Variants in THSD7B observed in about 807,000 individuals in gnomAD.
THSD7B encodes the protein thrombospondin type-1 domain-containing protein 7B.
A neutral mutation model predicts 213.6 loss-of-function variants in THSD7B; 138 were observed. The ratio of observed to expected loss-of-function variants is 0.65; its 90% CI spans 0.56 to 0.74. The LOEUF (loss-of-function observed/expected upper bound fraction) is 0.74, where lower values mean the gene tolerates loss of function less well. THSD7B is among the 30% of genes least tolerant of loss of function. THSD7B has a pLI of 0.00. For synonymous variants in THSD7B, 742 were observed against 687.0 expected (o/e 1.08, Z -1.25); for missense variants, 1,931 against 1,991.5 (o/e 0.97, Z 0.58).
chr2:137,099,697 C>T (rs772167278), intron 4 of THSD7B, among the ~76,000 whole-genome samples: 1 of 152,060 alleles, frequency 6.6e-6, no homozygotes, highest in African/African-American at 2.4e-5. Context: ...AGTATGGAAT[C>T]GAATGTAAGA....
chr2:137,639,612 G>C (rs889332626), intron 20 of THSD7B, among the ~76,000 whole-genome samples: 1 of 152,056 alleles, frequency 6.6e-6, no homozygotes, highest in Non-Finnish European at 1.5e-5. Flanking sequence ...GACACTCAAC[G>C]CCAGCCCATG....
chr2:136,878,102 G>A (rs1459256460), intron 1 of THSD7B, among the ~76,000 whole-genome samples: 2 of 152,096 alleles, frequency 1.3e-5, no homozygotes, highest in African/African-American at 4.8e-5. Context: ...CCCAGTGTGT[G>A]ATGTTCTCCT....
chr2:137,309,217 C>T (rs539420296), intron 12 of THSD7B, among the ~76,000 whole-genome samples: 29 of 152,026 alleles, frequency 1.9e-4, no homozygotes, highest in Non-Finnish European at 4.1e-4. Context: ...CATTTTTGTA[C>T]TTGAATTTCT....
At chr2:137,072,500 T>G (rs1169720966) in intron 3 of THSD7B, among the ~76,000 whole-genome samples, 2 of 152,162 alleles carry the variant, frequency 1.3e-5, no homozygotes, top group African/African-American at 4.8e-5. Context: ...AAGGAGATTT[T>G]GGGCTGAGAT....
At chr2:136,766,155 G>A (rs1389539644) in intron 1 of THSD7B, among the ~76,000 whole-genome samples, 1 of 152,234 alleles carries the variant, frequency 6.6e-6, no homozygotes, top group Non-Finnish European at 1.5e-5. Context: ...TTGCAAACAG[G>A]TTGACTGAGG....
At chr2:137,313,025 G>A (rs1461984767) in intron 12 of THSD7B, among the ~76,000 whole-genome samples, 16 of 150,360 alleles carry the variant, frequency 1.1e-4, no homozygotes, top group Admixed American at 6.0e-4. Flanking sequence ...TATTAGGTCC[G>A]CTTGGTGCAG....
At chr2:137,591,483 T>G (rs1034751845) in intron 17 of THSD7B, among the ~76,000 whole-genome samples, 3 of 151,900 alleles carry the variant, frequency 2.0e-5, no homozygotes, top group Non-Finnish European at 4.4e-5. Flanking sequence ...TTTCAAAAGT[T>G]TTTCATATTA....
chr2:136,801,745 G>A (rs1198122033), intron 1 of THSD7B, among the ~76,000 whole-genome samples: 1 of 152,084 alleles, frequency 6.6e-6, no homozygotes, highest in Non-Finnish European at 1.5e-5. Flanking sequence ...GCAAGCCAGT[G>A]GAATTGTGTC....
At chr2:137,282,447 G>A (rs1365395132) in intron 12 of THSD7B, among the ~76,000 whole-genome samples, 1 of 152,176 alleles carries the variant, frequency 6.6e-6, no homozygotes, top group East Asian at 1.9e-4. Context: ...TGTTGCCATT[G>A]CTTTTGGTGT....
At chr2:137,337,291 G>A (rs79323189) in intron 12 of THSD7B, among the ~76,000 whole-genome samples, 3,258 of 152,020 alleles carry the variant, frequency 0.021, 137 homozygotes, top group African/African-American at 0.075. Context: ...TCCCCAGTCT[G>A]GGACAGTTCT....
intron 7 of THSD7B, among the ~76,000 whole-genome samples, chr2:137,196,167 G>A (rs10207437): frequency 0.83 from 126,675 of 152,118 alleles, 53,714 homozygotes; most frequent in Middle Eastern, 0.94. Flanking sequence ...ATCAAAGAGA[G>A]ACTTCTAACC....
intron 24 of THSD7B, among the ~76,000 whole-genome samples, chr2:137,658,555 G>T (rs1222046013): frequency 3.3e-5 from 5 of 152,140 alleles, no homozygotes; most frequent in Admixed American, 6.5e-5. Context: ...CTGCTGTGGA[G>T]ATCCCTGGTT....
chr2:136,777,228 G>A (rs1325391471), intron 1 of THSD7B, among the ~76,000 whole-genome samples: 1 of 152,098 alleles, frequency 6.6e-6, no homozygotes, highest in African/African-American at 2.4e-5. Context: ...GGGTGATGTA[G>A]TGAAATTGAA....
intron 24 of THSD7B, among the ~76,000 whole-genome samples, chr2:137,658,007 G>A (rs922705312): frequency 3.9e-5 from 6 of 152,024 alleles, no homozygotes; most frequent in African/African-American, 1.2e-4. Flanking sequence ...CACCACGCCC[G>A]GCCAATTTTT....
intron 2 of THSD7B, among the ~76,000 whole-genome samples, chr2:136,955,031 C>T (rs559980664): frequency 1.6e-3 from 250 of 152,090 alleles, no homozygotes; most frequent in African/African-American, 5.8e-3. Flanking sequence ...TGCCTAAAGT[C>T]GACGTTTGGG....
chr2:137,454,527 A>T (rs1194934694), intron 15 of THSD7B, among the ~76,000 whole-genome samples: 2 of 151,634 alleles, frequency 1.3e-5, no homozygotes, highest in Non-Finnish European at 2.9e-5. Context: ...TGGTGACTTC[A>T]TTATACATTT....
At chr2:137,403,662 T>C (rs1412092218) in intron 12 of THSD7B, among the ~76,000 whole-genome samples, 1 of 152,240 alleles carries the variant, frequency 6.6e-6, no homozygotes, top group African/African-American at 2.4e-5. Flanking sequence ...AGATATTCCC[T>C]GGTTTCTCAC....
At chr2:137,456,485 T>C (rs556378250) in intron 15 of THSD7B, among the ~76,000 whole-genome samples, 1 of 152,332 alleles carries the variant, frequency 6.6e-6, no homozygotes, top group African/African-American at 2.4e-5. Flanking sequence ...TGTTGGCCTC[T>C]TGCATCTTTT....
At chr2:136,825,108 C>A (rs1481908062) in intron 1 of THSD7B, among the ~76,000 whole-genome samples, 29 of 152,064 alleles carry the variant, frequency 1.9e-4, no homozygotes, top group Admixed American at 1.9e-3. Context: ...CTTTAAGAAT[C>A]TTTGTTCAAT....
Sources: allele counts gnomAD v4.1 joint callset (sites outside exome capture counted in the v4.1 genomes callset), GRCh38; gene constraint gnomAD v4.1.1; transcripts MANE v1.5; gene names NCBI Gene and HGNC (gene_info 2026-07-23, HGNC 2026-07-21).